The following FBXW11 variants were observed in gnomAD, a reference collection of about 807,000 sequenced individuals.
FBXW11 encodes F-box/WD repeat-containing protein 11.
A neutral mutation model predicts 77.6 loss-of-function variants in FBXW11; 19 were observed. That is an observed-to-expected ratio of 0.24 (90% CI 0.17 to 0.36). FBXW11 has a LOEUF of 0.36. Ranked by LOEUF, FBXW11 falls within the 10% of genes least tolerant of loss-of-function variation. FBXW11 has a pLI of 1.00. For missense variants in FBXW11, 334 were observed against 704.2 expected, an observed-to-expected ratio of 0.47 and a Z score of 5.95; for synonymous variants, 235 against 249.4, an observed-to-expected ratio of 0.94 and a Z score of 0.54.
At chr5:171,951,877 A>C (rs1268629662) in intron 2 of FBXW11, among the ~76,000 whole-genome samples, 1 of 152,246 alleles carries the variant, frequency 6.6e-6, no homozygotes, top group African/African-American at 2.4e-5. Context: ...AAATGCCCCA[A>C]GAAAAACAAA....
intron 2 of FBXW11, among the ~76,000 whole-genome samples, chr5:171,952,170 G>T (rs964363463): frequency 1.3e-5 from 2 of 151,478 alleles, no homozygotes; most frequent in African/African-American, 4.9e-5. Flanking sequence ...GTTAAAATCA[G>T]CAGCAGCAGA....
intron 6 of FBXW11, among the ~76,000 whole-genome samples, chr5:171,893,561 A>G (rs1162500968): frequency 1.3e-5 from 2 of 152,064 alleles, no homozygotes; most frequent in South Asian, 2.1e-4. Context: ...AACTCAACGC[A>G]TGGAATCATT....
At chr5:171,959,064 C>T (rs1416223595) in intron 1 of FBXW11, among the ~76,000 whole-genome samples, 1 of 150,460 alleles carries the variant, frequency 6.6e-6, no homozygotes, top group Non-Finnish European at 1.5e-5. Context: ...GTATCTGTCA[C>T]TTACTAGTTA....
chr5:171,940,614 G>A (rs1363261496), intron 2 of FBXW11, among the ~76,000 whole-genome samples: 2 of 152,210 alleles, frequency 1.3e-5, no homozygotes, highest in African/African-American at 2.4e-5. Flanking sequence ...GACAGGCTGG[G>A]TGCGGTGGCT....
intron 4 of FBXW11, among the ~76,000 whole-genome samples, chr5:171,902,896 G>A (rs911724404): frequency 6.6e-6 from 1 of 152,058 alleles, no homozygotes; most frequent in Admixed American, 6.6e-5. Flanking sequence ...ATTATTCTTG[G>A]GTTGGGGGGA....
intron 1 of FBXW11, among the ~76,000 whole-genome samples, chr5:171,974,225 A>G (rs967304499): frequency 6.6e-6 from 1 of 152,184 alleles, no homozygotes; most frequent in African/African-American, 2.4e-5. Context: ...ACCTGAGGTC[A>G]GGAGTTTGAG....
intron 9 of FBXW11, among the ~76,000 whole-genome samples, chr5:171,873,430 A>G (rs1055496296): frequency 1.3e-5 from 2 of 152,180 alleles, no homozygotes; most frequent in African/African-American, 2.4e-5. Flanking sequence ...GAATTGCTTG[A>G]GCTAAAGAGT....
intron 6 of FBXW11, among the ~76,000 whole-genome samples, chr5:171,895,290 G>A (rs992621390): frequency 7.0e-4 from 106 of 152,222 alleles, no homozygotes; most frequent in Non-Finnish European, 1.2e-3. Context: ...AGTATACAGC[G>A]GCATTTAAAT....
intron 1 of FBXW11, among the ~76,000 whole-genome samples, chr5:171,969,436 T>C (rs536085445): frequency 9.2e-5 from 14 of 152,248 alleles, no homozygotes; most frequent in Non-Finnish European, 1.6e-4. Context: ...CTACATCATA[T>C]TTCTATTTTA....
intron 2 of FBXW11, among the ~76,000 whole-genome samples, chr5:171,934,323 TAACA>T (rs894696591): frequency 2.6e-5 from 4 of 152,050 alleles, no homozygotes; most frequent in African/African-American, 9.7e-5. Context: ...AACAAAATTA[TAACA>T]AACAAGAATA....
chr5:171,978,787 T>G (rs1365951176), intron 1 of FBXW11, among the ~76,000 whole-genome samples: 1 of 152,194 alleles, frequency 6.6e-6, no homozygotes, highest in Non-Finnish European at 1.5e-5. Context: ...CACTCCCCCA[T>G]GCACCTAGAA....
chr5:171,962,129 G>A (rs1338377817), intron 1 of FBXW11, among the ~76,000 whole-genome samples: 1 of 152,026 alleles, frequency 6.6e-6, no homozygotes, highest in Non-Finnish European at 1.5e-5. Context: ...AGTGAGCAGT[G>A]TTCTTTCATA....
At chr5:171,945,386 A>G (rs1226847880) in intron 2 of FBXW11, among the ~76,000 whole-genome samples, 2 of 152,254 alleles carry the variant, frequency 1.3e-5, no homozygotes, top group African/African-American at 4.8e-5. Context: ...GTATAATAGA[A>G]CTAGAAAGAC....
intron 1 of FBXW11, among the ~76,000 whole-genome samples, chr5:172,003,594 G>T (rs1766549420): frequency 6.6e-6 from 1 of 152,008 alleles, no homozygotes; most frequent in Non-Finnish European, 1.5e-5. Flanking sequence ...GTAAATTCAG[G>T]GTCTAAATTA....
chr5:171,988,883 T>C (rs1765587085), intron 1 of FBXW11, among the ~76,000 whole-genome samples: 2 of 149,986 alleles, frequency 1.3e-5, no homozygotes, highest in African/African-American at 4.9e-5. Flanking sequence ...CATACATTCA[T>C]ACTACAATTT....
At chr5:171,988,052 T>C (rs1233613413) in intron 1 of FBXW11, among the ~76,000 whole-genome samples, 1 of 152,152 alleles carries the variant, frequency 6.6e-6, no homozygotes, top group Non-Finnish European at 1.5e-5. Flanking sequence ...GTCCCTTAGA[T>C]TTGGAAAATT....
intron 2 of FBXW11, among the ~76,000 whole-genome samples, chr5:171,940,486 C>T (rs569885035): frequency 1.1e-4 from 17 of 152,172 alleles, no homozygotes; most frequent in South Asian, 4.2e-4. Context: ...CAAGGCTCTT[C>T]GGAGAAATGG....
intron 4 of FBXW11, among the ~76,000 whole-genome samples, chr5:171,908,486 C>T (rs1197174911): frequency 1.3e-5 from 2 of 152,172 alleles, no homozygotes; most frequent in Non-Finnish European, 2.9e-5. Flanking sequence ...GCTTCCTAAT[C>T]TACACAATGA....
intron 1 of FBXW11, among the ~76,000 whole-genome samples, chr5:171,998,851 T>A (rs1393269963): frequency 6.7e-6 from 1 of 149,848 alleles, no homozygotes; most frequent in African/African-American, 2.5e-5. Flanking sequence ...GGTACTCAAG[T>A]AGTCTTTGTG....
Sources: gnomAD v4.1 joint callset for allele counts (sites outside exome capture counted in the v4.1 genomes callset) on GRCh38, gnomAD v4.1.1 for gene constraint, MANE v1.5 for transcripts, NCBI Gene and HGNC (gene_info 2026-07-23, HGNC 2026-07-21) for gene names.